FGF12: variants seen among roughly 807,000 people sequenced by gnomAD.
FGF12 encodes fibroblast growth factor 12B.
Under a neutral mutation model 23.6 loss-of-function variants are expected in FGF12, and 14 were observed. The ratio of observed to expected loss-of-function variants is 0.59; its 90% confidence interval spans 0.39 to 0.93. The LOEUF (loss-of-function observed/expected upper bound fraction) is 0.93, where lower values mean the gene tolerates loss of function less well. FGF12 is among the 40% of genes least tolerant of loss of function. The pLI, the probability that FGF12 is intolerant of heterozygous loss-of-function variation, is 0.00. For synonymous variants in FGF12, 62 were observed against 77.3 expected (o/e 0.80, Z 1.04); for missense variants, 175 against 217.8 (o/e 0.80, Z 1.24).
At chr3:192,380,812 C>T (rs1461755570) in intron 2 of FGF12, among the ~76,000 whole-genome samples, 1 of 151,948 alleles carries the variant, frequency 6.6e-6, no homozygotes, top group Non-Finnish European at 1.5e-5. Flanking sequence ...CAGTACTATC[C>T]AACAGTAATA....
chr3:192,353,018 C>T (rs1356509075), intron 3 of FGF12, among the ~76,000 whole-genome samples: 1 of 152,152 alleles, frequency 6.6e-6, no homozygotes, highest in African/African-American at 2.4e-5. Context: ...TCTGAGCATA[C>T]CTTTACTTCT....
At chr3:192,271,928 G>A (rs904508756) in intron 4 of FGF12, among the ~76,000 whole-genome samples, 18 of 152,088 alleles carry the variant, frequency 1.2e-4, no homozygotes, top group Non-Finnish European at 2.4e-4. Context: ...GTCTTAAAAC[G>A]GCTCTTCAAA....
intron 2 of FGF12, among the ~76,000 whole-genome samples, chr3:192,403,546 T>C (rs987673308): frequency 2.2e-5 from 2 of 89,430 alleles, no homozygotes; most frequent in African/African-American, 9.9e-5. Flanking sequence ...GGGGTCTTAC[T>C]GTTTTTTTTT....
chr3:192,274,269 T>C (rs1032102791), intron 4 of FGF12, among the ~76,000 whole-genome samples: 4 of 152,190 alleles, frequency 2.6e-5, no homozygotes, highest in Admixed American at 6.5e-5. Flanking sequence ...CTTTGTAAAA[T>C]AACATATTTA....
intron 4 of FGF12, among the ~76,000 whole-genome samples, chr3:192,207,467 A>G (rs1717713424): frequency 6.6e-6 from 1 of 152,226 alleles, no homozygotes. Flanking sequence ...TTCTTCAGGT[A>G]CAAAAGTTGT....
intron 2 of FGF12, among the ~76,000 whole-genome samples, chr3:192,377,657 G>C (rs182455240): frequency 6.0e-4 from 91 of 152,234 alleles, no homozygotes; most frequent in African/African-American, 2.1e-3. Context: ...AAAACACTCT[G>C]AATGACTGAG....
intron 2 of FGF12, among the ~76,000 whole-genome samples, chr3:192,391,302 C>T (rs944776620): frequency 1.3e-5 from 2 of 152,128 alleles, no homozygotes; most frequent in African/African-American, 4.8e-5. Flanking sequence ...TGCAAAAGTG[C>T]CTGAATCAGT....
intron 2 of FGF12, among the ~76,000 whole-genome samples, chr3:192,424,877 C>G (rs1721646405): frequency 6.6e-6 from 1 of 152,094 alleles, no homozygotes. Context: ...CTTCTTGCCT[C>G]AGCATTTTAT....
intron 5 of FGF12, among the ~76,000 whole-genome samples, chr3:192,145,193 A>G (rs1713627329): frequency 6.6e-6 from 1 of 152,258 alleles, no homozygotes. Flanking sequence ...GAAAAATTGC[A>G]TATTTATGAA....
chr3:192,539,913 T>C (rs752443617), intron 2 of FGF12, among the ~76,000 whole-genome samples: 2 of 152,142 alleles, frequency 1.3e-5, no homozygotes, highest in Non-Finnish European at 2.9e-5. Context: ...GCATTTCTTC[T>C]AGAATTTCCA....
chr3:192,567,765 C>CTTTG, intron 2 of FGF12, among the ~76,000 whole-genome samples: 1 of 132,230 alleles, frequency 7.6e-6, no homozygotes, highest in Non-Finnish European at 1.7e-5. Flanking sequence ...TTCTTTCTTT[C>CTTTG]TTTCTTTCTT....
At chr3:192,669,768 C>T (rs1717041684) in intron 2 of FGF12, among the ~76,000 whole-genome samples, 1 of 151,598 alleles carries the variant, frequency 6.6e-6, no homozygotes, top group East Asian at 1.9e-4. Context: ...ATGTGTTTTC[C>T]AGAGGCTCCA....
At chr3:192,658,811 C>T (rs1437120598) in intron 2 of FGF12, among the ~76,000 whole-genome samples, 4 of 151,954 alleles carry the variant, frequency 2.6e-5, no homozygotes, top group Non-Finnish European at 5.9e-5. Context: ...GAAAAGGTGA[C>T]TGAGTTTTTC....
intron 2 of FGF12, among the ~76,000 whole-genome samples, chr3:192,633,917 A>G (rs951094427): frequency 6.6e-6 from 1 of 151,798 alleles, no homozygotes; most frequent in African/African-American, 2.4e-5. Flanking sequence ...CATCTCCTCC[A>G]CCTTTTTATA....
In FGF12 at chr3:192,335,462, G is replaced by A. The variant is rs1186567683; in HGVS notation, c.127C>T (p.Leu43Phe). The change falls in exon 4 of 6, where the codon CTC becomes TTC. Residue 43 changes from leucine to phenylalanine, a missense_variant and splice_region_variant. Transcript: ENST00000445105. ...GTKDENSDYTLFNLIPVGLRV... is the reference protein window; with the variant it reads ...GTKDENSDYTFFNLIPVGLRV... ...AGGCCCACGGGAATTAGATTGAAGA[G>A]AGCTGGGGGGAGAAAAAGAAGGGCG... 3 of 1,603,326 alleles carry A rather than the reference G, an allele frequency of 1.9e-6. No homozygotes were observed. The highest frequency in any genetic ancestry group is 2.6e-6 in the Non-Finnish European group (3 of 1,170,626).
intron 4 of FGF12, among the ~76,000 whole-genome samples, chr3:192,233,791 T>G (rs1392026652): frequency 1.3e-5 from 2 of 152,178 alleles, no homozygotes; most frequent in Non-Finnish European, 2.9e-5. Flanking sequence ...CACCATTTAC[T>G]GAATAGGGAG....
At chr3:192,180,462 G>A (rs1453234685) in intron 4 of FGF12, among the ~76,000 whole-genome samples, 1 of 152,142 alleles carries the variant, frequency 6.6e-6, no homozygotes, top group African/African-American at 2.4e-5. Context: ...GTAATCATGT[G>A]TCCCACTATG....
chr3:192,590,949 C>G (rs1350932935), intron 2 of FGF12, among the ~76,000 whole-genome samples: 1 of 151,848 alleles, frequency 6.6e-6, no homozygotes, highest in Non-Finnish European at 1.5e-5. Flanking sequence ...GAATAGTTCT[C>G]TCTCTCCCTC....
chr3:192,245,642 C>T (rs1344643028), intron 4 of FGF12, among the ~76,000 whole-genome samples: 1 of 152,098 alleles, frequency 6.6e-6, no homozygotes, highest in Non-Finnish European at 1.5e-5. Flanking sequence ...ATGTTCCTTG[C>T]CCTTAAATAA....
Sources: gnomAD v4.1 joint callset for allele counts (sites outside exome capture counted in the v4.1 genomes callset) on GRCh38, gnomAD v4.1.1 for gene constraint, MANE v1.5 for transcripts, NCBI Gene and HGNC (gene_info 2026-07-23, HGNC 2026-07-21) for gene names.